The following ZC3H12B variants were observed in gnomAD, a reference collection of about 807,000 sequenced individuals.
ZC3H12B encodes probable ribonuclease ZC3H12B.
In ZC3H12B, 7 loss-of-function variants were observed where a neutral mutation model predicts 43.9. That is an observed-to-expected ratio of 0.16 (90% confidence interval 0.09 to 0.30). The LOEUF (loss-of-function observed/expected upper bound fraction) is 0.30. Ranked by LOEUF, ZC3H12B falls within the 10% of genes least tolerant of loss-of-function variation. The pLI, the probability that ZC3H12B is intolerant of heterozygous loss-of-function variation, is 1.00. For synonymous variants in ZC3H12B, 222 were observed against 241.7 expected (o/e 0.92, Z 0.76); for missense variants, 475 against 670.2 (o/e 0.71, Z 3.22).
chrX:65,277,147 T>C, the ZC3H12B span, among the ~76,000 whole-genome samples: 6 of 111,553 alleles, frequency 5.4e-5, no homozygotes, highest in African/African-American at 1.3e-4. Flanking sequence ...AATAAAGAGA[T>C]CGATTAAGAA....
the ZC3H12B span, among the ~76,000 whole-genome samples, chrX:65,106,748 TG>T: frequency 3.6e-5 from 4 of 111,290 alleles, no homozygotes; most frequent in Admixed American, 1.9e-4. Flanking sequence ...ACGTTCAGTT[TG>T]GTGAATAATA....
the ZC3H12B span, among the ~76,000 whole-genome samples, chrX:65,336,809 C>A: frequency 8.9e-6 from 1 of 112,414 alleles, no homozygotes; most frequent in Non-Finnish European, 1.9e-5. Context: ...CATTAGCTCT[C>A]AAGTTTCCCC....
intron 3 of ZC3H12B, among the ~76,000 whole-genome samples, chrX:65,479,518 C>T (rs1045768555): frequency 1.7e-4 from 19 of 110,422 alleles, no homozygotes; most frequent in African/African-American, 5.6e-4. Flanking sequence ...CAGGTGCCTG[C>T]CAGCACACTC....
chrX:65,381,129 C>A (rs1027352898), intron 2 of ZC3H12B, among the ~76,000 whole-genome samples: 1 of 111,432 alleles, frequency 9.0e-6, no homozygotes, highest in Non-Finnish European at 1.9e-5. Context: ...GAACTCTCCA[C>A]CCCAAATCAA....
chrX:65,186,235 G>T, the ZC3H12B span: 11 of 111,115 alleles, frequency 9.9e-5, no homozygotes, highest in African/African-American at 3.3e-4. Context: ...GCTCACACCT[G>T]TAATCCAGCA....
chrX:65,122,308 T>C, the ZC3H12B span, among the ~76,000 whole-genome samples: 1 of 111,019 alleles, frequency 9.0e-6, no homozygotes, highest in Non-Finnish European at 1.9e-5. Flanking sequence ...GAAGGAGAAA[T>C]AAAATCCTTT....
chrX:65,169,978 T>G, the ZC3H12B span, among the ~76,000 whole-genome samples: 1 of 112,163 alleles, frequency 8.9e-6, no homozygotes, highest in Non-Finnish European at 1.9e-5. Context: ...GGGTCTTGAC[T>G]CTTTATCCAA....
chrX:65,203,152 C>A, the ZC3H12B span, among the ~76,000 whole-genome samples: 1 of 111,997 alleles, frequency 8.9e-6, no homozygotes, highest in Non-Finnish European at 1.9e-5. Flanking sequence ...CCCCTCTCTG[C>A]CTCAGGGCAT....
the ZC3H12B span, among the ~76,000 whole-genome samples, chrX:65,329,511 C>G: frequency 1.1e-5 from 1 of 89,065 alleles, no homozygotes; most frequent in Non-Finnish European, 1.9e-5. Context: ...CCTGTTCACT[C>G]TGACGGAAGT....
chrX:65,442,576 G>T (rs1038599633), intron 3 of ZC3H12B, among the ~76,000 whole-genome samples: 1 of 111,579 alleles, frequency 9.0e-6, no homozygotes, highest in African/African-American at 3.3e-5. Context: ...CCTGGGCATT[G>T]TGAGCAGCCT....
At chrX:65,327,493 A>G in the ZC3H12B span, among the ~76,000 whole-genome samples, 1 of 111,371 alleles carries the variant, frequency 9.0e-6, no homozygotes, top group African/African-American at 3.3e-5. Context: ...ATTCTCCAAC[A>G]ATCTGAGCAA....
At chrX:65,385,525 C>T (rs2066510587) in intron 2 of ZC3H12B, among the ~76,000 whole-genome samples, 1 of 112,216 alleles carries the variant, frequency 8.9e-6, no homozygotes, top group African/African-American at 3.2e-5. Flanking sequence ...GCTGAAGTTG[C>T]ATATCAGCTT....
At chrX:65,131,924 G>T in the ZC3H12B span, among the ~76,000 whole-genome samples, 1 of 111,270 alleles carries the variant, frequency 9.0e-6, no homozygotes, top group South Asian at 3.8e-4. Context: ...GAAGGTCATC[G>T]ATATATTGAA....
At chrX:65,445,952 G>A (rs1189451914) in intron 3 of ZC3H12B, among the ~76,000 whole-genome samples, 1 of 111,869 alleles carries the variant, frequency 8.9e-6, no homozygotes, top group Non-Finnish European at 1.9e-5. Flanking sequence ...AGAATGTGCT[G>A]GGTCACACCT....
the ZC3H12B span, among the ~76,000 whole-genome samples, chrX:65,213,946 T>C: frequency 1.8e-5 from 2 of 109,788 alleles, no homozygotes; most frequent in Non-Finnish European, 3.8e-5. Flanking sequence ...CACACACACA[T>C]ATATAACAAG....
chrX:65,443,233 G>A (rs138720076), intron 3 of ZC3H12B, among the ~76,000 whole-genome samples: 2 of 111,186 alleles, frequency 1.8e-5, no homozygotes, highest in East Asian at 5.7e-4. Flanking sequence ...TACTCACCAT[G>A]GGGATTACTT....
chrX:65,227,687 A>G, the ZC3H12B span, among the ~76,000 whole-genome samples: 1 of 111,406 alleles, frequency 9.0e-6, no homozygotes, highest in East Asian at 2.8e-4. Flanking sequence ...ACAATAAAAA[A>G]TGATAAAGGG....
chrX:65,166,578 T>A, the ZC3H12B span, among the ~76,000 whole-genome samples: 2 of 111,901 alleles, frequency 1.8e-5, no homozygotes, highest in Non-Finnish European at 3.8e-5. Flanking sequence ...GATGGCTGGG[T>A]CAAATGGTAT....
chrX:65,207,142 C>A, the ZC3H12B span, among the ~76,000 whole-genome samples: 1 of 108,815 alleles, frequency 9.2e-6, no homozygotes, highest in South Asian at 4.1e-4. Context: ...TTTGATCCAG[C>A]AATCTCACTA....
Sources: allele counts gnomAD v4.1 joint callset (sites outside exome capture counted in the v4.1 genomes callset), GRCh38; gene constraint gnomAD v4.1.1; transcripts MANE v1.5; gene names NCBI Gene and HGNC (gene_info 2026-07-23, HGNC 2026-07-21).